NCOA5: variants seen among roughly 807,000 people sequenced by gnomAD.
NCOA5 encodes NCoA-5.
A neutral mutation model predicts 59.0 loss-of-function variants in NCOA5; 12 were observed. The ratio of observed to expected loss-of-function variants is 0.20; its 90% CI spans 0.13 to 0.33. NCOA5 has a LOEUF of 0.33. Among genes scored for constraint, NCOA5 ranks in the 10% least tolerant of loss-of-function variants. The probability of loss-of-function intolerance (pLI) is 1.00; values close to 1 mark genes in which losing one functional copy is unlikely to be tolerated. For synonymous variants in NCOA5, 270 were observed against 275.5 expected, an observed-to-expected ratio of 0.98 and a Z score of 0.20; for missense variants, 655 against 766.6, an observed-to-expected ratio of 0.85 and a Z score of 1.72.
chr20:46,074,867 C>T (rs1245677634), intron 2 of NCOA5, among the ~76,000 whole-genome samples: 4 of 152,214 alleles, frequency 2.6e-5, no homozygotes, highest in Non-Finnish European at 4.4e-5. Context: ...GTTCTACAGA[C>T]GGTCAGGGAG....
chr20:46,085,995 A>G (rs2085041433), intron 1 of NCOA5, among the ~76,000 whole-genome samples: 1 of 152,196 alleles, frequency 6.6e-6, no homozygotes, highest in Non-Finnish European at 1.5e-5. Flanking sequence ...TTTTACTTTC[A>G]ATAAAGGGCT....
chr20:46,072,770 C>T (rs2084896842), intron 2 of NCOA5, among the ~76,000 whole-genome samples: 1 of 152,184 alleles, frequency 6.6e-6, no homozygotes, highest in Non-Finnish European at 1.5e-5. Flanking sequence ...CTTTCTGCCC[C>T]TAAAATTCTC....
Position 46,062,546 on chromosome 20 carries a change from G to A in NCOA5, c.1494C>T (p.Gly498=). The A allele has an allele frequency of 6.2e-7, 1 of 1,614,190 alleles. No homozygotes were observed. Among genetic ancestry groups the A allele is most frequent in the Non-Finnish European group, 8.5e-7 (1 of 1,180,028 alleles). The stretch of plus-strand genomic sequence containing the variant: ...CTTGGGAAGGAGCCCCAGGTCTGGG[G>A]CCCATGTTCTGAGCAGATCCTCCCT... ...LGQGGSAQNM[G]PRPGAPSQGL... Residue 498 remains glycine (G), a synonymous_variant, in exon 8 of 8, where the codon GGC becomes GGT. Transcript: ENST00000290231.
chr20:46,082,400 A>T (rs1174936549), intron 1 of NCOA5, among the ~76,000 whole-genome samples: 2 of 152,226 alleles, frequency 1.3e-5, no homozygotes, highest in African/African-American at 4.8e-5. Context: ...CTTTCTGGAC[A>T]TCAGATGGGG....
intron 3 of NCOA5, among the ~76,000 whole-genome samples, chr20:46,069,111 C>G (rs2084854857): frequency 6.6e-6 from 1 of 152,050 alleles, no homozygotes; most frequent in South Asian, 2.1e-4. Context: ...TGCGCCTGGC[C>G]TAACAATTTT....
intron 6 of NCOA5, among the ~76,000 whole-genome samples, chr20:46,064,681 AG>A (rs2084802069): frequency 6.6e-6 from 1 of 152,172 alleles, no homozygotes; most frequent in Admixed American, 6.5e-5. Context: ...CTCTCCCTTC[AG>A]TGACTTCAGG....
At chr20:46,088,001 A>G (rs934063749) in intron 1 of NCOA5, among the ~76,000 whole-genome samples, 2 of 133,312 alleles carry the variant, frequency 1.5e-5, no homozygotes, top group Admixed American at 8.3e-5. Flanking sequence ...ACATATATAT[A>G]TATTTTTTTA....
intron 1 of NCOA5, among the ~76,000 whole-genome samples, chr20:46,085,827 T>C (rs1298248747): frequency 6.6e-6 from 1 of 152,152 alleles, no homozygotes; most frequent in African/African-American, 2.4e-5. Flanking sequence ...CCACAGAGTC[T>C]CAATGAAGCC....
chr20:46,076,994 C>T (rs544733146), intron 2 of NCOA5, among the ~76,000 whole-genome samples: 2 of 152,320 alleles, frequency 1.3e-5, no homozygotes, highest in East Asian at 3.9e-4. Flanking sequence ...CGGCTCACTG[C>T]AGCCTCAACC....
intron 2 of NCOA5, among the ~76,000 whole-genome samples, chr20:46,071,853 C>A (rs562754504): frequency 1.3e-5 from 2 of 152,330 alleles, no homozygotes; most frequent in Non-Finnish European, 2.9e-5. Flanking sequence ...CAGCTCAGGG[C>A]ACTTTCTATC....
In NCOA5 at chr20:46,065,054, G is replaced by A; in HGVS notation, c.804C>T (p.Val268=). The change falls in exon 6 of 8, where the codon GTC becomes GTT. Residue 268 remains valine (V), a synonymous_variant. Transcript: ENST00000290231. ...QQHQIHRSCT[V]NIMFGTPQEH... is the part of the protein sequence containing the mutation. Reference sequence around the variant, plus strand: ...CTTGCGGGGTTCCAAACATGATGTTGACTGTGCAGGAGCGGTGAATCTGGT... The same window carrying A: ...CTTGCGGGGTTCCAAACATGATGTTAACTGTGCAGGAGCGGTGAATCTGGT... The A allele has an allele frequency of 3.1e-6, 5 of 1,614,204 alleles. No individual in the cohort carries two copies. Among genetic ancestry groups the A allele is most frequent in the Non-Finnish European group, 4.2e-6 (5 of 1,180,040 alleles).
Position 46,063,513 on chromosome 20 carries a change from C to T in NCOA5, c.997G>A (p.Gly333Arg). The T allele has an allele frequency of 6.2e-7, 1 of 1,614,228 alleles. No individual in the cohort carries two copies. Among genetic ancestry groups the T allele is most frequent in the Non-Finnish European group, 8.5e-7 (1 of 1,180,046 alleles). Residue 333 changes from glycine to arginine, a missense_variant, in exon 7 of 8, where the codon GGA becomes AGA. This residue lies in a region of NCOA5 where 325 missense variants were observed against 353.2 expected (regional missense o/e 0.92). Coordinates refer to ENST00000290231, the MANE Select transcript of NCOA5 (RefSeq NM_020967.3). Reference protein sequence around the residue: ...QERERGGPEEGVRGGHPPAIQ... With the variant: ...QERERGGPEERVRGGHPPAIQ... Reference sequence around the variant, plus strand: ...GCTGGAGGGTGGCCCCCACGCACTCCCTCCTCAGGGCCTCCTCTCTCTCTT... The same window carrying T: ...GCTGGAGGGTGGCCCCCACGCACTCTCTCCTCAGGGCCTCCTCTCTCTCTT...
intron 1 of NCOA5, among the ~76,000 whole-genome samples, 157 bp from the exon 2 acceptor site, chr20:46,079,610 TTTA>T: frequency 6.6e-6 from 1 of 152,298 alleles, no homozygotes; most frequent in Middle Eastern, 3.4e-3. Flanking sequence ...TTGGGCAATT[TTTA>T]TTATTGAGTT....
Position 46,085,924 on chromosome 20 carries a change from T to C in NCOA5, c.-30+3893A>G, listed in dbSNP as rs372904234. On this transcript the variant is annotated intron_variant, in intron 1 of 7. Coordinates refer to ENST00000290231, the MANE Select transcript of NCOA5 (RefSeq NM_020967.3). ...ACATTCAAAATATTGCCCATTTTAG[T>C]AACATTCTTCAAAGACCATTGGTTT... Among the ~76,000 whole-genome samples the C allele has an allele frequency of 3.3e-5, 5 of 152,308 alleles. No homozygotes were observed. In the East Asian group the frequency reaches 9.6e-4, roughly 29 times the overall value.
chr20:46,073,108 T>A, intron 2 of NCOA5, among the ~76,000 whole-genome samples: 1 of 152,232 alleles, frequency 6.6e-6, no homozygotes, highest in East Asian at 1.9e-4. Flanking sequence ...AGTAAATGTT[T>A]AATGAATTGA....
chr20:46,062,089 C>CA lies in NCOA5; in HGVS notation c.*210dup, dbSNP rs763954276. 6 of 471,318 alleles carry CA rather than the reference C, an allele frequency of 1.3e-5. No individual in the cohort carries two copies. Among genetic ancestry groups the CA allele is most frequent in the East Asian group, 3.1e-5 (1 of 31,958 alleles). The allele number at this position is 471,318 out of a possible 1,614,324, so 29.2% of individuals were successfully genotyped here. On this transcript the variant is annotated 3_prime_UTR_variant, in exon 8 of 8. Coordinates refer to ENST00000290231, the MANE Select transcript of NCOA5 (RefSeq NM_020967.3). ...TATTTATTTTCTACAAAACAAAAAACAAAAAAAGATACAGCCCCAAATGCA... is the reference window on the plus strand; with the variant it reads ...TATTTATTTTCTACAAAACAAAAAACAAAAAAAAGATACAGCCCCAAATGCA...
intron 2 of NCOA5, among the ~76,000 whole-genome samples, chr20:46,075,168 G>A (rs930812972): frequency 6.6e-6 from 1 of 152,192 alleles, no homozygotes; most frequent in African/African-American, 2.4e-5. Context: ...GGATATGGAC[G>A]TGCAATGAGA....
chr20:46,076,813 C>T (rs1028423162), intron 2 of NCOA5, among the ~76,000 whole-genome samples: 1 of 152,142 alleles, frequency 6.6e-6, no homozygotes, highest in Non-Finnish European at 1.5e-5. Context: ...AGTCACTGCC[C>T]TATCCACACC....
At chr20:46,067,270 T>TGAG in intron 4 of NCOA5, 89 bp from the exon 5 acceptor site, 1 of 1,444,952 alleles carries the variant, frequency 6.9e-7, no homozygotes, top group East Asian at 2.3e-5. Flanking sequence ...CATAATACTC[T>TGAG]GAATCAATCC....
Sources: gnomAD v4.1 joint callset for allele counts (sites outside exome capture counted in the v4.1 genomes callset) on GRCh38, gnomAD v4.1.1 for gene constraint, gnomAD v4.1.1 regional missense constraint, MANE v1.5 for transcripts, NCBI Gene and HGNC (gene_info 2026-07-23, HGNC 2026-07-21) for gene names.